Variants in HPSE2 observed in about 807,000 individuals in gnomAD.
HPSE2 encodes inactive heparanase-2.
A neutral mutation model predicts 60.5 loss-of-function variants in HPSE2; 38 were observed. That is an observed-to-expected ratio of 0.63 (90% CI 0.48 to 0.82). The LOEUF (loss-of-function observed/expected upper bound fraction) is 0.82. Among genes scored for constraint, HPSE2 ranks in the 40% least tolerant of loss-of-function variants. The pLI is 0.00. For synonymous variants in HPSE2, 295 were observed against 293.2 expected (o/e 1.01, Z -0.06); for missense variants, 713 against 740.4 (o/e 0.96, Z 0.43).
At chr10:99,103,665 C>T (rs1003976688) in intron 3 of HPSE2, among the ~76,000 whole-genome samples, 7 of 152,242 alleles carry the variant, frequency 4.6e-5, no homozygotes, top group Middle Eastern at 3.4e-3. Context: ...AAAGAGAGCC[C>T]GCATTGCCAA....
At chr10:99,146,358 G>C (rs528459588) in intron 2 of HPSE2, among the ~76,000 whole-genome samples, 4 of 152,298 alleles carry the variant, frequency 2.6e-5, no homozygotes, top group Non-Finnish European at 4.4e-5. Flanking sequence ...TTTCCTTGCA[G>C]AAAAGGGTAG....
intron 2 of HPSE2, among the ~76,000 whole-genome samples, chr10:99,168,840 T>TA (rs1847187488): frequency 1.3e-5 from 2 of 152,186 alleles, no homozygotes; most frequent in African/African-American, 4.8e-5. Flanking sequence ...CCATTAAACA[T>TA]AAAAAATGAT....
chr10:98,502,157 A>G (rs1480435743), intron 9 of HPSE2, among the ~76,000 whole-genome samples: 1 of 152,170 alleles, frequency 6.6e-6, no homozygotes, highest in Non-Finnish European at 1.5e-5. Context: ...AATCCCCATC[A>G]AAATACTGCC....
At chr10:98,586,859 T>C (rs577789357) in intron 9 of HPSE2, among the ~76,000 whole-genome samples, 4 of 152,314 alleles carry the variant, frequency 2.6e-5, no homozygotes, top group South Asian at 4.1e-4. Context: ...TTGGGAAACA[T>C]TGGCGCAGAG....
chr10:98,969,921 C>T (rs767605474), intron 3 of HPSE2, among the ~76,000 whole-genome samples: 7 of 151,896 alleles, frequency 4.6e-5, no homozygotes, highest in African/African-American at 1.2e-4. Context: ...AGGTGTTTCA[C>T]GTGGCAAAAG....
intron 9 of HPSE2, among the ~76,000 whole-genome samples, chr10:98,547,486 T>G (rs1943722452): frequency 6.7e-6 from 1 of 149,280 alleles, no homozygotes; most frequent in Non-Finnish European, 1.5e-5. Context: ...TAAAAAATGA[T>G]GAGTTCATGT....
chr10:99,263,063 G>A, the HPSE2 span, among the ~76,000 whole-genome samples: 1 of 152,178 alleles, frequency 6.6e-6, no homozygotes, highest in Admixed American at 6.5e-5. Context: ...TTTTAAGCTG[G>A]CTCCCACATT....
intron 3 of HPSE2, among the ~76,000 whole-genome samples, chr10:99,044,691 C>A (rs1005463886): frequency 2.2e-5 from 3 of 138,376 alleles, no homozygotes; most frequent in Non-Finnish European, 3.2e-5. Context: ...AACAAACAAA[C>A]AAAAAAAATA....
At chr10:99,295,764 C>T in the HPSE2 span, among the ~76,000 whole-genome samples, 1 of 152,168 alleles carries the variant, frequency 6.6e-6, no homozygotes. Flanking sequence ...TGAAACACTC[C>T]ACCCAAACCC....
At chr10:98,985,370 A>C (rs540202419) in intron 3 of HPSE2, among the ~76,000 whole-genome samples, 1 of 152,334 alleles carries the variant, frequency 6.6e-6, no homozygotes, top group African/African-American at 2.4e-5. Context: ...TTTAACCAAG[A>C]ATTTCATATC....
intron 11 of HPSE2, among the ~76,000 whole-genome samples, chr10:98,482,310 T>C (rs769653978): frequency 3.3e-5 from 5 of 152,190 alleles, no homozygotes; most frequent in Non-Finnish European, 7.3e-5. Flanking sequence ...TATTGGCATT[T>C]GGTGAGCAGC....
the HPSE2 span, among the ~76,000 whole-genome samples, chr10:99,305,977 G>GCA: frequency 7.3e-4 from 39 of 53,726 alleles, no homozygotes; most frequent in African/African-American, 1.2e-3. Context: ...GCGCGCGCGC[G>GCA]CGCACACACA....
intron 9 of HPSE2, among the ~76,000 whole-genome samples, chr10:98,568,511 C>G (rs1473131178): frequency 6.6e-6 from 1 of 152,110 alleles, no homozygotes; most frequent in African/African-American, 2.4e-5. Context: ...GGCCAAGCCC[C>G]AGAAGTCTGT....
rs1453790688 is a variant in HPSE2, at chr10:98,458,839, A to G, written c.*735T>C. On this transcript the variant is annotated 3_prime_UTR_variant, in exon 12 of 12. Transcript: ENST00000370552. ...TGAATATTGTTACTTGACTCCCATT[A>G]CAACTCTGGGGGAATCTGGATTCAC... is the stretch of plus-strand genomic sequence containing the variant. 6.5e-6 allele frequency: 1 copy of G among 154,282 alleles called. No individual in the cohort carries two copies. The highest frequency in any genetic ancestry group is 1.4e-5 in the Non-Finnish European group (1 of 69,420). The allele number at this position is 154,282 out of a possible 1,614,324, so 9.6% of individuals were successfully genotyped here.
chr10:98,741,253 T>C (rs187396507), intron 4 of HPSE2, among the ~76,000 whole-genome samples: 1 of 152,266 alleles, frequency 6.6e-6, no homozygotes, highest in East Asian at 1.9e-4. Flanking sequence ...GTTCTTTTCC[T>C]ATCTATATTC....
chr10:98,888,203 C>T (rs1953228138), intron 3 of HPSE2, among the ~76,000 whole-genome samples: 1 of 150,662 alleles, frequency 6.6e-6, no homozygotes, highest in South Asian at 2.1e-4. Context: ...GAAATCAGCC[C>T]TGAAGAAAAC....
intron 3 of HPSE2, among the ~76,000 whole-genome samples, chr10:99,067,327 T>C (rs530842335): frequency 4.6e-5 from 7 of 152,314 alleles, no homozygotes; most frequent in East Asian, 1.9e-4. Context: ...AGCTGCCCTA[T>C]GCAGTGCCCC....
intron 9 of HPSE2, among the ~76,000 whole-genome samples, chr10:98,562,803 A>C (rs986815260): frequency 6.6e-6 from 1 of 151,334 alleles, no homozygotes; most frequent in African/African-American, 2.4e-5. Flanking sequence ...AAATGATTCT[A>C]TGTACAAATT....
chr10:98,608,899 T>C (rs956454799), intron 9 of HPSE2, among the ~76,000 whole-genome samples: 32 of 152,156 alleles, frequency 2.1e-4, no homozygotes, highest in Non-Finnish European at 2.9e-5. Context: ...TCCCCCGCCC[T>C]ACCACCTCCA....
Sources: allele counts gnomAD v4.1 joint callset (sites outside exome capture counted in the v4.1 genomes callset), GRCh38; gene constraint gnomAD v4.1.1; transcripts MANE v1.5; gene names NCBI Gene and HGNC (gene_info 2026-07-23, HGNC 2026-07-21).